The following FAM83E variants were observed in gnomAD, a reference collection of about 807,000 sequenced individuals.
The protein encoded by FAM83E is protein FAM83E.
FAM83E carries 29 observed loss-of-function variants against 34.3 expected under a neutral mutation model. The ratio of observed to expected loss-of-function variants is 0.85; its 90% confidence interval spans 0.63 to 1.15. The LOEUF (loss-of-function observed/expected upper bound fraction) is 1.15. Among genes scored for constraint, FAM83E ranks in the 50% most tolerant of loss-of-function variants. FAM83E has a pLI of 0.00. For synonymous variants in FAM83E, 312 were observed against 311.6 expected, an observed-to-expected ratio of 1.00 and a Z score of -0.01; for missense variants, 697 against 685.0, an observed-to-expected ratio of 1.02 and a Z score of -0.20.
intron 5 of FAM83E, 71 bp from the exon 6 acceptor site, chr19:48,603,982 G>C: frequency 6.7e-7 from 1 of 1,496,590 alleles, no homozygotes. Context: ...TCCTCAGCCA[G>C]GTCCCAGGGG....
chr19:48,614,688 C>G lies in FAM83E; in HGVS notation c.-1256+20G>C, dbSNP rs1232546716. The G allele has an allele frequency of 7.1e-6, 7 of 985,592 alleles. No individual in the cohort carries two copies. The highest frequency in any genetic ancestry group is 8.4e-6 in the Non-Finnish European group (7 of 830,068). The allele number at this position is 985,592 out of a possible 1,614,324, so 61.1% of individuals were successfully genotyped here. ...CTCCCCGCCCCACCCTCACCCATCC[C>G]CCCCATCGCCGGGGCTCACCCACAC... On this transcript the variant is annotated intron_variant, in intron 2 of 6. Transcript: ENST00000263266.
chr19:48,610,398 CAAA>C lies in FAM83E; in HGVS notation c.633+279_633+281del, dbSNP rs71179016. Reference sequence around the variant, plus strand: ...TGGGCGACAAAGCAACACTCCGTCTCAAAAAAAAAAAAAAAAAAAAAAAAAAGA... The same window carrying C: ...TGGGCGACAAAGCAACACTCCGTCTCAAAAAAAAAAAAAAAAAAAAAAAGA... On this transcript the variant is annotated intron_variant, in intron 4 of 6. Transcript: ENST00000263266. 2.2e-4 allele frequency among the ~76,000 whole-genome samples: 7 copies of C among 31,358 alleles called. No individual in the cohort carries two copies. The East Asian group carries it at 3.6e-3, about 16-fold the overall frequency. The allele number at this position is 31,358 out of a possible 152,430, so 20.6% of individuals were successfully genotyped here. A position where few individuals can be genotyped will look rare whatever the true frequency, so the allele number is the denominator to read the frequency against.
chr19:48,602,535 G>A (rs528143580), intron 6 of FAM83E, among the ~76,000 whole-genome samples: 1 of 150,414 alleles, frequency 6.6e-6, no homozygotes, highest in South Asian at 2.1e-4. Context: ...CCAAGGGAGG[G>A]GATGCTGGGT....
rs764324366 is a variant in FAM83E at position 48,614,233 on chromosome 19, G to A, written c.-861C>T. 43 of 985,316 alleles carry A rather than the reference G, an allele frequency of 4.4e-5. No individual in the cohort carries two copies. Among genetic ancestry groups the A allele is most frequent in the African/African-American group, 1.6e-4 (9 of 57,182 alleles). 61.0% of individuals were successfully genotyped at this position (985,316 alleles called of 1,614,324 possible). A position where few individuals can be genotyped will look rare whatever the true frequency, so the allele number is the denominator to read the frequency against. Reference sequence around the variant, plus strand: ...AGTGGAGGGTGAAATGCGCTACAGGGGTCTCCATTACTATGGGACAGGTCT... The same window carrying A: ...AGTGGAGGGTGAAATGCGCTACAGGAGTCTCCATTACTATGGGACAGGTCT... On this transcript the variant is annotated 5_prime_UTR_variant, in exon 3 of 7. Coordinates refer to ENST00000263266, the MANE Select transcript of FAM83E (RefSeq NM_017708.4).
Position 48,600,281 on chromosome 19 carries a change from C to T in FAM83E, c.*828G>A, listed in dbSNP as rs1973789370. Among the ~76,000 whole-genome samples the T allele has an allele frequency of 6.6e-6, 1 of 152,236 alleles. No homozygotes were observed. The highest frequency in any genetic ancestry group is 2.4e-5 in the African/African-American group (1 of 41,466). On this transcript the variant is annotated 3_prime_UTR_variant, in exon 7 of 7. Transcript: ENST00000263266. The stretch of plus-strand genomic sequence containing the variant: ...AGGATCCGCTGCCTGGGGACGCTGC[C>T]AGCCCATCTTCTGGGTTGTGACACT...
chr19:48,610,562 G>C, intron 4 of FAM83E, 118 bp downstream of exon 4: 1 of 1,248,498 alleles, frequency 8.0e-7, no homozygotes, highest in Admixed American at 2.7e-5. Context: ...TCAGATCCCA[G>C]GGGACCATCC....
At chr19:48,610,613 G>C in intron 4 of FAM83E, 67 bp downstream of exon 4, 1 of 1,496,832 alleles carries the variant, frequency 6.7e-7, no homozygotes, top group Non-Finnish European at 9.0e-7. Context: ...TCCATGGAAG[G>C]GTCTGCCCCC....
At chr19:48,603,326 C>T (rs925180227) in intron 6 of FAM83E, among the ~76,000 whole-genome samples, 168 bp downstream of exon 6, 2 of 152,196 alleles carry the variant, frequency 1.3e-5, no homozygotes, top group African/African-American at 4.8e-5. Flanking sequence ...ATGCAGCAGG[C>T]GTGCAGGAAA....
At chr19:48,602,816 T>G in intron 6 of FAM83E, among the ~76,000 whole-genome samples, 1 of 90,616 alleles carries the variant, frequency 1.1e-5, no homozygotes, top group Non-Finnish European at 2.3e-5. Flanking sequence ...GGAATGTATT[T>G]ATTTATTGTT....
chr19:48,601,393 T>C, intron 6 of FAM83E, 24 bp from the exon 7 acceptor site: 1 of 1,551,198 alleles, frequency 6.4e-7, no homozygotes, highest in Non-Finnish European at 8.7e-7. Flanking sequence ...GAGAGGGAGG[T>C]GAGAGGAGGC....
At chr19:48,614,663 C>G in intron 2 of FAM83E, 36 bp from the exon 3 acceptor site, 1 of 985,948 alleles carries the variant, frequency 1.0e-6, no homozygotes, top group South Asian at 4.7e-5. Flanking sequence ...GCAGGCCAGC[C>G]TCCCCGCCCC....
intron 4 of FAM83E, among the ~76,000 whole-genome samples, chr19:48,610,398 CAAAAAA>C (rs71179016): frequency 1.6e-4 from 5 of 31,360 alleles, no homozygotes; most frequent in African/African-American, 5.0e-4. Context: ...CACTCCGTCT[CAAAAAA>C]AAAAAAAAAA....
rs1973825269 is a variant in FAM83E at position 48,602,033 on chromosome 19, T to C, written c.1177-664A>G. Among the ~76,000 whole-genome samples the C allele has an allele frequency of 3.3e-5, 5 of 150,044 alleles. No individual in the cohort carries two copies. The Admixed American group carries it at 3.4e-4, about 10-fold the overall frequency. Reference sequence around the variant, plus strand: ...GGCGTGGGTCTGTAATCCTAGCTACTTGGAAGGCTGAGGTGGGAGGATCAC... The same window carrying C: ...GGCGTGGGTCTGTAATCCTAGCTACCTGGAAGGCTGAGGTGGGAGGATCAC... On this transcript the variant is annotated intron_variant, in intron 6 of 6. Transcript: ENST00000263266.
At chr19:48,607,548 G>T in intron 5 of FAM83E, 1 of 702,794 alleles carries the variant, frequency 1.4e-6, no homozygotes, top group Non-Finnish European at 2.4e-6. Flanking sequence ...CGGCAGGGGA[G>T]CACGGCCCGT....
rs1298731891 is a variant in FAM83E at position 48,601,141 on chromosome 19, C to A, written c.1405G>T (p.Ala469Ser). 2.5e-6 allele frequency: 4 copies of A among 1,612,746 alleles called. No individual in the cohort carries two copies. The highest frequency in any genetic ancestry group is 3.4e-6 in the Non-Finnish European group (4 of 1,179,698). Residue 469 changes from alanine (A) to serine (S), a missense_variant, in exon 7 of 7, where the codon GCC becomes TCC. Transcript: ENST00000263266. Reference protein sequence around the residue: ...EPRGVRPSDWAPRAGLGGQP With the variant: ...EPRGVRPSDWSPRAGLGGQP ...TGCCCCCCAAGTCCTGCCCGGGGGGCCCAGTCTGACGGCCTGACGCCTCTG... is the reference window on the plus strand; with the variant it reads ...TGCCCCCCAAGTCCTGCCCGGGGGGACCAGTCTGACGGCCTGACGCCTCTG...
At chr19:48,602,340 G>T (rs903587977) in intron 6 of FAM83E, among the ~76,000 whole-genome samples, 1 of 150,920 alleles carries the variant, frequency 6.6e-6, no homozygotes, top group East Asian at 2.0e-4. Context: ...GGACAGAAAG[G>T]AGAGGGATGC....
intron 5 of FAM83E, among the ~76,000 whole-genome samples, chr19:48,605,682 C>T (rs564290644): frequency 6.1e-4 from 93 of 151,670 alleles, no homozygotes; most frequent in African/African-American, 2.2e-3. Flanking sequence ...TCCCAAGTAG[C>T]TGGGATTACA....
intron 5 of FAM83E, chr19:48,606,682 A>C: frequency 2.5e-6 from 1 of 402,714 alleles, no homozygotes; most frequent in Non-Finnish European, 4.6e-6. Context: ...CACTCCTCTC[A>C]CCTATGACCT....
rs201699578 is a variant in FAM83E, at chr19:48,613,244, C to A, written c.129G>T (p.Ala43=). ...GCTGCACGCAGGTCTGGAACGCCTC[C>A]GCGCCCTTGCTCAACAGAGCCTCCA... ...LALEALLSKG[A]EAFQTCVQRE... The change falls in exon 3 of 7, where the codon GCG becomes GCT. Residue 43 remains alanine (A), a synonymous_variant. Coordinates refer to ENST00000263266, the MANE Select transcript of FAM83E (RefSeq NM_017708.4). 2 of 1,610,270 alleles carry A rather than the reference C, an allele frequency of 1.2e-6. No individual in the cohort carries two copies. The highest frequency in any genetic ancestry group is 2.2e-5 in the South Asian group (2 of 91,070).
Sources: gnomAD v4.1 joint callset for allele counts (sites outside exome capture counted in the v4.1 genomes callset) on GRCh38, gnomAD v4.1.1 for gene constraint, MANE v1.5 for transcripts, NCBI Gene and HGNC (gene_info 2026-07-23, HGNC 2026-07-21) for gene names.